SETBP1: variants seen among roughly 807,000 people sequenced by gnomAD.
SETBP1 encodes the protein SET-binding protein.
Under a neutral mutation model 101.0 loss-of-function variants are expected in SETBP1, and 9 were observed. The ratio of observed to expected loss-of-function variants is 0.09; its 90% CI spans 0.05 to 0.16. SETBP1 has a LOEUF of 0.16. Ranked by LOEUF, SETBP1 falls within the 10% of genes least tolerant of loss-of-function variation. The pLI is 1.00. For missense variants in SETBP1, 1,858 were observed against 2,033.8 expected (o/e 0.91, Z 1.66); for synonymous variants, 818 against 788.5 (o/e 1.04, Z -0.63).
intron 5 of SETBP1, among the ~76,000 whole-genome samples, chr18:45,053,392 A>G (rs1238950512): frequency 3.9e-5 from 6 of 152,358 alleles, no homozygotes; most frequent in Middle Eastern, 3.4e-3. Context: ...TCTTACCCAG[A>G]GCACAGAAAA....
At chr18:44,957,458 C>G (rs1313107588) in intron 4 of SETBP1, among the ~76,000 whole-genome samples, 2 of 152,066 alleles carry the variant, frequency 1.3e-5, no homozygotes, top group Non-Finnish European at 2.9e-5. Context: ...AGGTAGCCAT[C>G]CCAAGTCCCC....
In SETBP1 at chr18:44,952,616, A is replaced by C. The variant is rs199547532; in HGVS notation, c.3276A>C (p.Pro1092=). The part of the protein sequence containing the change: ...ASPFMRPTVP[P]PQFHTNSHVK... ...CATTCATGAGGCCAACAGTGCCACC[A>C]CCTCAGTTCCACACAAACTCCCACG... is the stretch of plus-strand genomic sequence containing the variant. The change falls in exon 4 of 6, where the codon CCA becomes CCC. Residue 1092 remains proline, a synonymous_variant. Coordinates refer to ENST00000649279, the MANE Select transcript of SETBP1 (RefSeq NM_015559.3). 9.9e-6 allele frequency: 16 copies of C among 1,612,550 alleles called. No homozygotes were observed. Among genetic ancestry groups the C allele is most frequent in the African/African-American group, 1.3e-5 (1 of 74,518 alleles).
At chr18:44,723,512 A>G (rs541051759) in intron 2 of SETBP1, among the ~76,000 whole-genome samples, 3 of 152,270 alleles carry the variant, frequency 2.0e-5, no homozygotes, top group South Asian at 2.1e-4. Context: ...GGGGGGAAAA[A>G]AAACAACACC....
At chr18:44,686,884 A>G (rs576930723) in intron 1 of SETBP1, among the ~76,000 whole-genome samples, 2 of 152,264 alleles carry the variant, frequency 1.3e-5, no homozygotes, top group Admixed American at 6.5e-5. Context: ...TCACCGATTC[A>G]CTCATTCAAT....
intron 2 of SETBP1, among the ~76,000 whole-genome samples, chr18:44,813,053 G>A (rs1233044167): frequency 6.6e-6 from 1 of 151,850 alleles, no homozygotes; most frequent in Non-Finnish European, 1.5e-5. Flanking sequence ...ATGTAAAAAG[G>A]TAAAAAGGAA....
chr18:44,781,674 G>T (rs2071134521), intron 2 of SETBP1, among the ~76,000 whole-genome samples: 2 of 152,168 alleles, frequency 1.3e-5, no homozygotes, highest in South Asian at 2.1e-4. Context: ...CCTCTTGAAA[G>T]AATTTTTCCA....
intron 3 of SETBP1, among the ~76,000 whole-genome samples, chr18:44,892,113 T>G (rs1449455599): frequency 4.6e-5 from 7 of 152,214 alleles, no homozygotes; most frequent in Admixed American, 4.6e-4. Flanking sequence ...TGACAGTTTT[T>G]GGGCATGAGA....
At chr18:45,000,117 A>G (rs1345894455) in intron 4 of SETBP1, among the ~76,000 whole-genome samples, 1 of 152,244 alleles carries the variant, frequency 6.6e-6, no homozygotes, top group Non-Finnish European at 1.5e-5. Flanking sequence ...ATGAATGCCA[A>G]CAAAGGAAAT....
At chr18:44,887,353 G>A (rs1208932546) in intron 3 of SETBP1, among the ~76,000 whole-genome samples, 1 of 152,120 alleles carries the variant, frequency 6.6e-6, no homozygotes, top group African/African-American at 2.4e-5. Context: ...TTCACACCCA[G>A]AAATTACAAC....
chr18:44,979,043 C>G (rs779092862), intron 4 of SETBP1, among the ~76,000 whole-genome samples: 8 of 152,196 alleles, frequency 5.3e-5, no homozygotes, highest in Non-Finnish European at 1.0e-4. Context: ...TCTCCTCTAC[C>G]AAGCTGCTGA....
intron 2 of SETBP1, among the ~76,000 whole-genome samples, chr18:44,723,828 T>G (rs768930273): frequency 1.3e-5 from 2 of 152,136 alleles, no homozygotes; most frequent in Non-Finnish European, 2.9e-5. Context: ...AAAGCTTCAC[T>G]GCCGGGCATT....
chr18:44,710,299 T>A (rs1344118959), intron 2 of SETBP1, among the ~76,000 whole-genome samples: 1 of 152,124 alleles, frequency 6.6e-6, no homozygotes, highest in Non-Finnish European at 1.5e-5. Flanking sequence ...CACAAGTGGC[T>A]TTGTTCAGAA....
chr18:45,025,592 G>A (rs755137205), intron 4 of SETBP1, among the ~76,000 whole-genome samples: 9 of 152,048 alleles, frequency 5.9e-5, no homozygotes, highest in Non-Finnish European at 1.3e-4. Flanking sequence ...CAATCACTAT[G>A]TATTTGTATT....
At chr18:44,775,760 T>C (rs964738528) in intron 2 of SETBP1, among the ~76,000 whole-genome samples, 1 of 151,662 alleles carries the variant, frequency 6.6e-6, no homozygotes, top group African/African-American at 2.4e-5. Context: ...TCATAGAGAC[T>C]GGATTTAGAA....
At chr18:45,020,478 T>C (rs1185327453) in intron 4 of SETBP1, among the ~76,000 whole-genome samples, 4 of 152,088 alleles carry the variant, frequency 2.6e-5, no homozygotes, top group Admixed American at 6.5e-5. Flanking sequence ...ATGAGATCTT[T>C]GTTATCTTCT....
At chr18:44,818,138 A>G (rs2072023185) in intron 2 of SETBP1, among the ~76,000 whole-genome samples, 1 of 152,230 alleles carries the variant, frequency 6.6e-6, no homozygotes, top group Non-Finnish European at 1.5e-5. Flanking sequence ...GCAAGTCAGG[A>G]TTCGAAACTT....
intron 2 of SETBP1, among the ~76,000 whole-genome samples, chr18:44,760,581 C>T (rs1435243178): frequency 2.6e-5 from 4 of 152,202 alleles, no homozygotes; most frequent in Non-Finnish European, 2.9e-5. Context: ...GACACACCTC[C>T]TCTTTCCTTT....
intron 3 of SETBP1, among the ~76,000 whole-genome samples, chr18:44,934,704 C>T (rs1329242447): frequency 6.6e-6 from 1 of 152,144 alleles, no homozygotes; most frequent in Non-Finnish European, 1.5e-5. Flanking sequence ...TCCTGTTTTA[C>T]AGATAGGGAA....
Position 44,928,374 on chromosome 18 carries a change from G to T in SETBP1, c.541-21507G>T, listed in dbSNP as rs561494522. On this transcript the variant is annotated intron_variant, in intron 3 of 5. Transcript: ENST00000649279. The stretch of plus-strand genomic sequence containing the variant: ...TTCCAAGTCTTTGCTATTGTGAATA[G>T]TGCCACAATAAACATACATGTGCAT... Among the ~76,000 whole-genome samples, 15 of 152,322 alleles carry T rather than the reference G, an allele frequency of 9.8e-5. No individual in the cohort carries two copies. In the South Asian group the frequency reaches 3.1e-3, roughly 32 times the overall value.
Sources: gnomAD v4.1 joint callset for allele counts (sites outside exome capture counted in the v4.1 genomes callset) on GRCh38, gnomAD v4.1.1 for gene constraint, MANE v1.5 for transcripts, NCBI Gene and HGNC (gene_info 2026-07-23, HGNC 2026-07-21) for gene names.